LRP1B: variants seen among roughly 807,000 people sequenced by gnomAD.
LRP1B encodes LDL receptor related protein 1B.
Under a neutral mutation model 556.6 loss-of-function variants are expected in LRP1B, and 217 were observed. The observed-to-expected ratio is 0.39, with a 90% CI of 0.35 to 0.44. The LOEUF (loss-of-function observed/expected upper bound fraction) is 0.44. Ranked by LOEUF, LRP1B falls within the 20% of genes least tolerant of loss-of-function variation. The probability of loss-of-function intolerance (pLI) is 1.00; values close to 1 mark genes in which losing one functional copy is unlikely to be tolerated. For missense variants in LRP1B, 5,053 were observed against 5,620.8 expected (o/e 0.90, Z 3.23); for synonymous variants, 2,047 against 1,865.8 (o/e 1.10, Z -2.50).
chr2:140,279,918 T>A (rs941856079), intron 84 of LRP1B, among the ~76,000 whole-genome samples: 1 of 151,886 alleles, frequency 6.6e-6, no homozygotes, highest in Non-Finnish European at 1.5e-5. Flanking sequence ...TTATAAAAGA[T>A]AGATACATAT....
intron 7 of LRP1B, among the ~76,000 whole-genome samples, chr2:141,125,118 G>A (rs1410665852): frequency 2.6e-5 from 4 of 152,152 alleles, no homozygotes; most frequent in African/African-American, 9.7e-5. Context: ...AAAATATCTA[G>A]AGAATAAGGA....
At chr2:141,012,211 T>A (rs1475703261) in intron 14 of LRP1B, among the ~76,000 whole-genome samples, 5 of 152,026 alleles carry the variant, frequency 3.3e-5, no homozygotes, top group Non-Finnish European at 5.9e-5. Flanking sequence ...TTAAAAACTC[T>A]GAAGATGGTA....
chr2:140,680,311 T>C (rs542383943), intron 41 of LRP1B, among the ~76,000 whole-genome samples: 1 of 152,080 alleles, frequency 6.6e-6, no homozygotes, highest in Admixed American at 6.5e-5. Context: ...GACTTTGAGT[T>C]GGTCTTAAGT....
chr2:141,841,639 A>G (rs1304462843), intron 1 of LRP1B, among the ~76,000 whole-genome samples: 7 of 152,158 alleles, frequency 4.6e-5, no homozygotes, highest in African/African-American at 1.7e-4. Flanking sequence ...ACATTTTTAC[A>G]TGGCACGAAG....
chr2:140,789,171 G>A lies in LRP1B; in HGVS notation c.5360-12933C>T, dbSNP rs576656894. ...CTGTAGAAAATATTAACAAGAGTCT[G>A]AGACATTTTTGAGGTCCAGTCTGAG... On this transcript the variant is annotated intron_variant, in intron 32 of 90. Transcript: ENST00000389484. 9.9e-5 allele frequency among the ~76,000 whole-genome samples: 15 copies of A among 152,270 alleles called. No homozygotes were observed. In the South Asian group the frequency reaches 2.9e-3, roughly 29 times the overall value.
At chr2:140,413,467 A>G (rs1685050117) in intron 66 of LRP1B, among the ~76,000 whole-genome samples, 1 of 152,208 alleles carries the variant, frequency 6.6e-6, no homozygotes, top group Admixed American at 6.5e-5. Context: ...CGCTACACCT[A>G]GAAAAGCATT....
intron 3 of LRP1B, among the ~76,000 whole-genome samples, chr2:141,280,366 G>A (rs976903438): frequency 6.6e-6 from 1 of 151,982 alleles, no homozygotes; most frequent in Non-Finnish European, 1.5e-5. Flanking sequence ...TGTGTCTTTT[G>A]ATGTCCCTAA....
chr2:141,840,362 C>A, intron 1 of LRP1B, among the ~76,000 whole-genome samples: 1 of 141,662 alleles, frequency 7.1e-6, no homozygotes, highest in East Asian at 2.1e-4. Flanking sequence ...CTCCCGGGTT[C>A]ACGCCATTCT....
At chr2:140,609,230 A>G (rs1007650036) in intron 41 of LRP1B, among the ~76,000 whole-genome samples, 56 of 152,308 alleles carry the variant, frequency 3.7e-4, no homozygotes, top group African/African-American at 1.3e-3. Flanking sequence ...CTTGAGAAAT[A>G]TAATTAGAAA....
chr2:141,174,832 G>C (rs1196012447), intron 7 of LRP1B, among the ~76,000 whole-genome samples: 4 of 152,222 alleles, frequency 2.6e-5, no homozygotes, highest in East Asian at 3.9e-4. Flanking sequence ...ATGTGGGAAA[G>C]ACTGGAACTT....
chr2:141,536,215 C>T (rs955456532), intron 2 of LRP1B, among the ~76,000 whole-genome samples: 2 of 152,040 alleles, frequency 1.3e-5, no homozygotes, highest in African/African-American at 4.8e-5. Context: ...TTAATTTTAG[C>T]ATTTCATCAT....
At chr2:140,587,051 G>A (rs1451504000) in intron 43 of LRP1B, among the ~76,000 whole-genome samples, 1 of 152,034 alleles carries the variant, frequency 6.6e-6, no homozygotes, top group South Asian at 2.1e-4. Context: ...AGAACTGAAC[G>A]TAAAATAACT....
At chr2:141,992,215 C>T (rs1167109967) in intron 1 of LRP1B, among the ~76,000 whole-genome samples, 9 of 152,080 alleles carry the variant, frequency 5.9e-5, no homozygotes. Flanking sequence ...GTGGAGCCCA[C>T]AGATACAGAG....
chr2:141,970,928 G>A (rs1701713090), intron 1 of LRP1B, among the ~76,000 whole-genome samples: 1 of 151,538 alleles, frequency 6.6e-6, no homozygotes, highest in Non-Finnish European at 1.5e-5. Flanking sequence ...AGATTTAGAT[G>A]ATGTTTAAAG....
intron 6 of LRP1B, among the ~76,000 whole-genome samples, chr2:141,212,398 C>A (rs1295589673): frequency 1.3e-5 from 2 of 150,292 alleles, no homozygotes; most frequent in Non-Finnish European, 3.0e-5. Flanking sequence ...CCTGCCTCAG[C>A]CTCCCAAGTA....
chr2:141,538,638 CTTT>C (rs35243335), intron 2 of LRP1B, among the ~76,000 whole-genome samples: 4 of 102,150 alleles, frequency 3.9e-5, no homozygotes, highest in African/African-American at 3.2e-5. Flanking sequence ...AAAAAAACTT[CTTT>C]TTTTTTTTTT....
chr2:141,157,266 CAT>C (rs1298985038), intron 7 of LRP1B, among the ~76,000 whole-genome samples: 1 of 151,916 alleles, frequency 6.6e-6, no homozygotes. Context: ...ATATTAATAA[CAT>C]ATGAACAGGT....
chr2:140,573,489 A>G (rs1203274607), intron 43 of LRP1B, among the ~76,000 whole-genome samples: 1 of 151,960 alleles, frequency 6.6e-6, no homozygotes, highest in East Asian at 1.9e-4. Context: ...TAATCACCCC[A>G]AATTTGTAAA....
chr2:140,671,347 C>T (rs1011746267), intron 41 of LRP1B, among the ~76,000 whole-genome samples: 3 of 152,196 alleles, frequency 2.0e-5, no homozygotes, highest in South Asian at 2.1e-4. Context: ...GGTGAAACCC[C>T]GTCTCTACTA....
Sources: gnomAD v4.1 joint callset for allele counts (sites outside exome capture counted in the v4.1 genomes callset) on GRCh38, gnomAD v4.1.1 for gene constraint, MANE v1.5 for transcripts, NCBI Gene and HGNC (gene_info 2026-07-23, HGNC 2026-07-21) for gene names.